PTPRQ: variants seen among roughly 807,000 people sequenced by gnomAD.
PTPRQ encodes the protein protein tyrosine phosphatase receptor type Q.
In PTPRQ, 199 loss-of-function variants were observed where a neutral mutation model predicts 246.0. The observed-to-expected ratio is 0.81, with a 90% CI of 0.72 to 0.91. PTPRQ has a LOEUF of 0.91. Among genes scored for constraint, PTPRQ ranks in the 40% least tolerant of loss-of-function variants. PTPRQ has a pLI of 0.00. For missense variants in PTPRQ, 2,624 were observed against 2,528.4 expected (o/e 1.04, Z -0.81); for synonymous variants, 869 against 853.2 (o/e 1.02, Z -0.32).
chr12:80,624,662 A>G (rs1488343284), intron 33 of PTPRQ, among the ~76,000 whole-genome samples: 1 of 152,166 alleles, frequency 6.6e-6, no homozygotes, highest in Non-Finnish European at 1.5e-5. Context: ...TACTGTTGTC[A>G]TATTTGCTTT....
intron 25 of PTPRQ, among the ~76,000 whole-genome samples, chr12:80,556,488 C>T (rs1896649234): frequency 6.6e-6 from 1 of 152,126 alleles, no homozygotes. Flanking sequence ...TGATATGGCA[C>T]ATATTTGTCT....
intron 26 of PTPRQ, among the ~76,000 whole-genome samples, chr12:80,588,711 T>C (rs1897698266): frequency 6.6e-6 from 1 of 152,186 alleles, no homozygotes; most frequent in Admixed American, 6.5e-5. Context: ...CAACAGTGCA[T>C]TGTGGGAAGC....
chr12:80,477,868 CGG>C (rs1565732025), intron 8 of PTPRQ, among the ~76,000 whole-genome samples: 1 of 152,204 alleles, frequency 6.6e-6, no homozygotes, highest in East Asian at 1.9e-4. Context: ...ACACCTGGCT[CGG>C]AGGGTCCTAC....
intron 8 of PTPRQ, among the ~76,000 whole-genome samples, chr12:80,482,501 C>T (rs2120598770): frequency 6.6e-6 from 1 of 151,428 alleles, no homozygotes; most frequent in African/African-American, 2.4e-5. Context: ...AAAGCAATGG[C>T]AACAAAAGAC....
intron 20 of PTPRQ, among the ~76,000 whole-genome samples, chr12:80,540,436 G>A (rs1896118307): frequency 6.6e-6 from 1 of 151,930 alleles, no homozygotes; most frequent in Non-Finnish European, 1.5e-5. Flanking sequence ...TTTATCCCGA[G>A]TATTCAGAAA....
chr12:80,484,577 A>G lies in PTPRQ; in HGVS notation c.1331A>G (p.Glu444Gly). The G allele has an allele frequency of 6.5e-7, 1 of 1,550,238 alleles. No homozygotes were observed. The highest frequency in any genetic ancestry group is 1.2e-5 in the South Asian group (1 of 83,576). Residue 444 changes from glutamate (E) to glycine (G), a missense_variant, in exon 9 of 45, where the codon GAA becomes GGA. By Grantham distance (98) the Glu-to-Gly change is moderately conservative (BLOSUM62 -2). Transcript: ENST00000644991. ...GTTCCAGAGACAGGAATAATTTTGG[A>G]AAATACTTTGCTCACTGGAAATAAT... The part of the protein sequence containing the change: ...VLVPETGIIL[E>G]NTLLTGNNEY...
chr12:80,466,001 G>T (rs11503527), intron 6 of PTPRQ, among the ~76,000 whole-genome samples: 28,271 of 151,980 alleles, frequency 0.19, 2,834 homozygotes, highest in Middle Eastern at 0.23. Flanking sequence ...GGAAGTTCTG[G>T]CCAGGGCAAT....
chr12:80,481,141 A>C (rs1412855612), intron 8 of PTPRQ, among the ~76,000 whole-genome samples: 7 of 152,142 alleles, frequency 4.6e-5, no homozygotes, highest in African/African-American at 1.2e-4. Context: ...TACTGGCAAA[A>C]CGAATCCAGC....
intron 9 of PTPRQ, among the ~76,000 whole-genome samples, chr12:80,485,898 GTC>G (rs1219654478): frequency 6.6e-6 from 1 of 151,816 alleles, no homozygotes; most frequent in Non-Finnish European, 1.5e-5. Flanking sequence ...TTGTGATTCT[GTC>G]TCTATCTGGT....
chr12:80,536,656 G>A (rs1895997225), intron 19 of PTPRQ, among the ~76,000 whole-genome samples: 1 of 152,184 alleles, frequency 6.6e-6, no homozygotes, highest in South Asian at 2.1e-4. Flanking sequence ...GAAGGAGAAA[G>A]GAAGGTCTAG....
chr12:80,618,062 C>G (rs1007364930), intron 30 of PTPRQ, among the ~76,000 whole-genome samples: 1 of 151,368 alleles, frequency 6.6e-6, no homozygotes, highest in Non-Finnish European at 1.5e-5. Flanking sequence ...TCTTACACAT[C>G]CAGTCTCATT....
At chr12:80,657,699 A>G (rs2121248130) in intron 38 of PTPRQ, among the ~76,000 whole-genome samples, 1 of 152,038 alleles carries the variant, frequency 6.6e-6, no homozygotes, top group East Asian at 1.9e-4. Context: ...AGGTAAATGA[A>G]AAAAACGATT....
intron 25 of PTPRQ, among the ~76,000 whole-genome samples, chr12:80,576,622 G>A (rs969387772): frequency 1.3e-5 from 2 of 151,536 alleles, no homozygotes; most frequent in Admixed American, 6.6e-5. Context: ...TGTGTGCCAG[G>A]CATTATATGC....
At chr12:80,528,782 C>T (rs2120785596) in intron 17 of PTPRQ, among the ~76,000 whole-genome samples, 1 of 152,314 alleles carries the variant, frequency 6.6e-6, no homozygotes, top group Admixed American at 6.5e-5. Flanking sequence ...GCAATCCTTC[C>T]TCCTGCCTTC....
chr12:80,445,266 A>T (rs1017214326), intron 2 of PTPRQ, among the ~76,000 whole-genome samples: 2 of 151,958 alleles, frequency 1.3e-5, no homozygotes, highest in Non-Finnish European at 2.9e-5. Flanking sequence ...TATATTCGGC[A>T]TGTAGTATTT....
chr12:80,620,369 C>T lies in PTPRQ; in HGVS notation c.5605C>T (p.Gln1869Ter). 2 of 1,548,804 alleles carry T rather than the reference C, an allele frequency of 1.3e-6. No individual in the cohort carries two copies. The highest frequency in any genetic ancestry group is 1.7e-6 in the Non-Finnish European group (2 of 1,145,126). ...ICNGPLKPKK[Q>*]YLFKFRATNI... ...CAATGGACCACTGAAACCAAAAAAG[C>T]AATACTTGTAAGTATAGGTTATATC... Residue 1869 changes from glutamine (Q) to a stop codon, truncating the protein, a stop_gained, in exon 32 of 45, where the codon CAA (glutamine) becomes TAA (stop). Transcript: ENST00000644991. LOFTEE classifies it high-confidence loss of function.
intron 8 of PTPRQ, among the ~76,000 whole-genome samples, chr12:80,480,616 T>G (rs990328809): frequency 6.6e-6 from 1 of 151,152 alleles, no homozygotes; most frequent in Non-Finnish European, 1.5e-5. Flanking sequence ...ACAAAATACA[T>G]AGACCACTAG....
chr12:80,662,432 T>G (rs368834375), intron 39 of PTPRQ, among the ~76,000 whole-genome samples: 2 of 151,980 alleles, frequency 1.3e-5, no homozygotes, highest in African/African-American at 4.8e-5. Context: ...TAAATACATA[T>G]GCTTCAGAGT....
At chr12:80,665,101 A>T (rs1322185913) in intron 39 of PTPRQ, among the ~76,000 whole-genome samples, 2 of 151,886 alleles carry the variant, frequency 1.3e-5, no homozygotes, top group Non-Finnish European at 2.9e-5. Context: ...AAAATCTCAA[A>T]AGTAGGGAAG....
Sources: gnomAD v4.1 joint callset for allele counts (sites outside exome capture counted in the v4.1 genomes callset) on GRCh38, gnomAD v4.1.1 for gene constraint, MANE v1.5 for transcripts, NCBI Gene and HGNC (gene_info 2026-07-23, HGNC 2026-07-21) for gene names.